CDH26: variants seen among roughly 807,000 people sequenced by gnomAD.
The protein encoded by CDH26 is cadherin 26, also known as cadherin-like protein 26.
Under a neutral mutation model 90.3 loss-of-function variants are expected in CDH26, and 83 were observed. That is an observed-to-expected ratio of 0.92 (90% CI 0.77 to 1.10). The LOEUF (loss-of-function observed/expected upper bound fraction) is 1.10, where lower values mean the gene tolerates loss of function less well. Among genes scored for constraint, CDH26 ranks in the 50% least tolerant of loss-of-function variants. The pLI is 0.00. For missense variants in CDH26, 1,013 were observed against 1,037.6 expected (o/e 0.98, Z 0.33); for synonymous variants, 397 against 396.3 (o/e 1.00, Z -0.02).
chr20:60,000,715 G>A (rs1415937715), intron 14 of CDH26, among the ~76,000 whole-genome samples: 1 of 152,176 alleles, frequency 6.6e-6, no homozygotes, highest in Non-Finnish European at 1.5e-5. Context: ...AGGTTTTGGT[G>A]TATCTCTGGG....
At chr20:59,985,337 C>A (rs1231563176) in intron 7 of CDH26, among the ~76,000 whole-genome samples, 1 of 152,104 alleles carries the variant, frequency 6.6e-6, no homozygotes, top group African/African-American at 2.4e-5. Flanking sequence ...ACCGGCTCAG[C>A]TTCTAGGGAG....
chr20:60,031,470 A>G (rs1056654745), intron 8 of CDH26: 5 of 1,049,864 alleles, frequency 4.8e-6, no homozygotes, highest in Non-Finnish European at 5.8e-6. Context: ...TTCTCCTTTT[A>G]AAAAAGATTC....
At position 59,996,028 on chromosome 20, in the gene CDH26, T is replaced by C. The variant is rs1311398276; in HGVS notation, c.1862T>C (p.Val621Ala). 1 of 1,613,542 alleles carries C rather than the reference T, an allele frequency of 6.2e-7. No homozygotes were observed. The highest frequency in any genetic ancestry group is 2.2e-5 in the East Asian group (1 of 44,894). The change falls in exon 12 of 18, where the codon GTC (valine) becomes GCC (alanine). Residue 621 changes from valine (V) to alanine (A), a missense_variant. Physicochemically the swap from Val to Ala is moderately conservative, Grantham distance 64. Coordinates refer to ENST00000348616, the MANE Select transcript of CDH26 (RefSeq NM_177980.4). ...CTTCATGTGGGGGCCCTGTTCCCTGTCTGTGCAGCATTTGTGGCTCTGGCA... is the reference window on the plus strand; with the variant it reads ...CTTCATGTGGGGGCCCTGTTCCCTGCCTGTGCAGCATTTGTGGCTCTGGCA... ...VGLHVGALFP[V>A]CAAFVALAVA...
At chr20:60,020,588 G>A (rs1256512728) in intron 7 of CDH26, among the ~76,000 whole-genome samples, 1 of 152,184 alleles carries the variant, frequency 6.6e-6, no homozygotes, top group African/African-American at 2.4e-5. Context: ...TGGGCTTGGT[G>A]GAATGAATAT....
At chr20:59,964,443 C>A (rs546628425) in intron 1 of CDH26, among the ~76,000 whole-genome samples, 1 of 151,400 alleles carries the variant, frequency 6.6e-6, no homozygotes, top group South Asian at 2.1e-4. Context: ...CCCCCGCCCC[C>A]GACCCCAGGC....
chr20:59,974,926 G>C (rs2061309873), intron 4 of CDH26, among the ~76,000 whole-genome samples: 1 of 152,104 alleles, frequency 6.6e-6, no homozygotes, highest in Admixed American at 6.5e-5. Context: ...CTCTTAGAAT[G>C]TAGTTCTAAG....
chr20:60,002,533 A>C (rs1339434067), intron 15 of CDH26, among the ~76,000 whole-genome samples: 1 of 152,054 alleles, frequency 6.6e-6, no homozygotes, highest in Non-Finnish European at 1.5e-5. Flanking sequence ...GATGTGTGTC[A>C]TTTGTTTGTA....
chr20:59,971,271 G>A (rs1039843990), intron 3 of CDH26, among the ~76,000 whole-genome samples: 4 of 152,128 alleles, frequency 2.6e-5, no homozygotes, highest in African/African-American at 9.7e-5. Flanking sequence ...TAAGAGTCAG[G>A]GGGAGTGAGT....
At chr20:60,009,194 G>A (rs918475229) in intron 17 of CDH26, among the ~76,000 whole-genome samples, 2 of 152,166 alleles carry the variant, frequency 1.3e-5, no homozygotes, top group African/African-American at 2.4e-5. Flanking sequence ...AAGGCACGAG[G>A]GACAGAGCCA....
chr20:59,989,521 C>A (rs968469611), intron 9 of CDH26, among the ~76,000 whole-genome samples: 4 of 135,710 alleles, frequency 2.9e-5, no homozygotes, highest in African/African-American at 1.2e-4. Flanking sequence ...GGCGACAGAG[C>A]GAGACTCCGT....
intron 4 of CDH26, among the ~76,000 whole-genome samples, chr20:59,982,459 G>A (rs567050320): frequency 6.6e-6 from 1 of 152,270 alleles, no homozygotes; most frequent in Non-Finnish European, 1.5e-5. Context: ...AACTGCAGTG[G>A]CCATTTAAAA....
Position 60,012,787 on chromosome 20 carries a change from G to T in CDH26, c.*57G>T. On this transcript the variant is annotated 3_prime_UTR_variant, in exon 18 of 18. Coordinates refer to ENST00000348616, the MANE Select transcript of CDH26 (RefSeq NM_177980.4). Reference sequence around the variant, plus strand: ...ATTCATGGAAGGGAATCACTATTCAGGGATTTTTCCCCTTTGCTCTTCTTT... The same window carrying T: ...ATTCATGGAAGGGAATCACTATTCATGGATTTTTCCCCTTTGCTCTTCTTT... 6.5e-7 allele frequency: 1 copy of T among 1,536,564 alleles called. No individual in the cohort carries two copies. Among genetic ancestry groups the T allele is most frequent in the Non-Finnish European group, 8.9e-7 (1 of 1,121,260 alleles).
downstream of CDH26, among the ~76,000 whole-genome samples, chr20:60,035,495 C>A (rs1285258709): frequency 6.6e-6 from 1 of 152,132 alleles, no homozygotes; most frequent in Non-Finnish European, 1.5e-5. Flanking sequence ...ATAAATGAAG[C>A]TGGAACATAT....
At chr20:60,033,755 A>G (rs2062062894) in exon 9 of CDH26, 1 of 1,217,198 alleles carries the variant, frequency 8.2e-7, no homozygotes, top group South Asian at 1.5e-5. Flanking sequence ...GGAGATGGCA[A>G]TTATCCAGGT....
intron 1 of CDH26, 104 bp from the exon 2 acceptor site, chr20:59,968,861 TTC>T (rs1718905478): frequency 1.9e-6 from 1 of 530,306 alleles, no homozygotes; most frequent in East Asian, 3.1e-5. Context: ...ACTACAGAAG[TTC>T]TGTTTTCATC....
intron 1 of CDH26, among the ~76,000 whole-genome samples, chr20:59,968,027 CTCTCTCTCTCTCTCTCTCTCTCTCTG>C (rs2061199017): frequency 3.9e-5 from 4 of 102,758 alleles, no homozygotes; most frequent in African/African-American, 2.3e-4. Flanking sequence ...TTCTCTCTGT[CTCTCTCTCTCTCTCTCTCTCTCTCTG>C]TCTCTCTCTC....
At chr20:59,994,994 A>G (rs927723425) in intron 11 of CDH26, among the ~76,000 whole-genome samples, 7 of 152,220 alleles carry the variant, frequency 4.6e-5, no homozygotes, top group Non-Finnish European at 7.3e-5. Flanking sequence ...GAAGATGAAC[A>G]TGCTGAGCAG....
At chr20:60,025,974 G>C (rs1458734069) in intron 7 of CDH26, among the ~76,000 whole-genome samples, 1 of 152,184 alleles carries the variant, frequency 6.6e-6, no homozygotes, top group Non-Finnish European at 1.5e-5. Flanking sequence ...TTATGTGCTG[G>C]ACACTATTTC....
downstream of CDH26, among the ~76,000 whole-genome samples, chr20:60,017,355 A>C (rs1282069597): frequency 6.6e-6 from 1 of 152,070 alleles, no homozygotes. Flanking sequence ...GTATGTGTTC[A>C]GGAATTTATC....
Sources: allele counts gnomAD v4.1 joint callset (sites outside exome capture counted in the v4.1 genomes callset), GRCh38; gene constraint gnomAD v4.1.1; transcripts MANE v1.5; gene names NCBI Gene and HGNC (gene_info 2026-07-23, HGNC 2026-07-21).